STPG4: variants seen among roughly 807,000 people sequenced by gnomAD.
STPG4 encodes protein STPG4.
Under a neutral mutation model 31.5 loss-of-function variants are expected in STPG4, and 41 were observed. That is an observed-to-expected ratio of 1.30 (90% CI 1.01 to 1.69). The LOEUF is 1.69. Ranked by LOEUF, STPG4 falls within the 40% of genes most tolerant of loss-of-function variation. The pLI is 0.00. For synonymous variants in STPG4, 141 were observed against 103.0 expected, an observed-to-expected ratio of 1.37 and a Z score of -2.24; for missense variants, 375 against 293.4, an observed-to-expected ratio of 1.28 and a Z score of -2.03.
At chr2:47,127,333 A>G (rs182824880) in intron 5 of STPG4, among the ~76,000 whole-genome samples, 120 of 135,650 alleles carry the variant, frequency 8.8e-4, no homozygotes, top group African/African-American at 3.4e-3. Flanking sequence ...CAGCAGCACA[A>G]TCTTGGCTCA....
chr2:47,129,784 G>C, intron 5 of STPG4, 157 bp downstream of exon 5: 1 of 849,232 alleles, frequency 1.2e-6, no homozygotes. Flanking sequence ...TCTTACAGAG[G>C]TGTTTTCTTG....
intron 5 of STPG4, among the ~76,000 whole-genome samples, chr2:47,128,286 G>C (rs1037331822): frequency 1.3e-5 from 2 of 152,142 alleles, no homozygotes; most frequent in Admixed American, 6.5e-5. Context: ...GACTGCACTG[G>C]GTCAGAGCCA....
At chr2:47,132,636 T>C (rs1026068619) in intron 3 of STPG4, among the ~76,000 whole-genome samples, 4 of 152,216 alleles carry the variant, frequency 2.6e-5, no homozygotes, top group Non-Finnish European at 5.9e-5. Flanking sequence ...TTGTGTCTTA[T>C]AGAAGCACAG....
At chr2:47,098,516 A>T (rs1214702781) in intron 5 of STPG4, among the ~76,000 whole-genome samples, 1 of 152,146 alleles carries the variant, frequency 6.6e-6, no homozygotes, top group Non-Finnish European at 1.5e-5. Context: ...TTTTCTTTAA[A>T]ATCGTAAAGC....
chr2:47,144,923 G>A (rs13010866), intron 3 of STPG4, among the ~76,000 whole-genome samples: 64,855 of 151,938 alleles, frequency 0.43, 14,842 homozygotes, highest in East Asian at 0.71. Context: ...GTAGAGATGG[G>A]GTTTCACTGT....
intron 5 of STPG4, among the ~76,000 whole-genome samples, chr2:47,117,032 G>A (rs1430119979): frequency 6.6e-6 from 1 of 152,136 alleles, no homozygotes; most frequent in African/African-American, 2.4e-5. Context: ...TTTTTGCTTA[G>A]GATGTAGGCT....
intron 5 of STPG4, among the ~76,000 whole-genome samples, chr2:47,092,479 G>C (rs1157719071): frequency 6.7e-6 from 1 of 149,648 alleles, no homozygotes; most frequent in Non-Finnish European, 1.5e-5. Context: ...AGTGAGCCAT[G>C]ATCATGTCAC....
At chr2:47,146,452 G>A (rs956004542) in intron 3 of STPG4, among the ~76,000 whole-genome samples, 3 of 151,700 alleles carry the variant, frequency 2.0e-5, no homozygotes, top group African/African-American at 4.8e-5. Context: ...GGAATTGGCC[G>A]CAATGGCTCA....
chr2:47,087,193 T>C, intron 6 of STPG4, 63 bp from the exon 7 acceptor site: 1 of 1,535,240 alleles, frequency 6.5e-7, no homozygotes, highest in Non-Finnish European at 8.8e-7. Flanking sequence ...GAGGCTCCTG[T>C]GCCTAGCCAC....
chr2:47,106,206 G>C (rs1289632807), intron 5 of STPG4, among the ~76,000 whole-genome samples: 2 of 151,902 alleles, frequency 1.3e-5, no homozygotes, highest in Non-Finnish European at 2.9e-5. Flanking sequence ...GTAAATTTCT[G>C]TCTACCCAGC....
chr2:47,108,420 C>G (rs34047921), intron 5 of STPG4: 3,397 of 154,354 alleles, frequency 0.022, 44 homozygotes, highest in African/African-American at 0.033. Flanking sequence ...CCTGAGCCAG[C>G]GAGACCACGA....
Position 47,091,897 on chromosome 2 carries a change from A to G in STPG4, c.520-1523T>C, listed in dbSNP as rs971314774. The stretch of plus-strand genomic sequence containing the variant: ...AAAAGTGAAAACTGGGAAATAAACT[A>G]AATAATGGATGATATGTGCCTGGTT... On this transcript the variant is annotated intron_variant, in intron 5 of 6. Coordinates refer to ENST00000445927, the MANE Select transcript of STPG4 (RefSeq NM_001163561.2). Among the ~76,000 whole-genome samples the G allele has an allele frequency of 4.6e-5, 7 of 151,876 alleles. 1 individual carries two copies. Among genetic ancestry groups the G allele is most frequent in the Admixed American group, 4.6e-4 (7 of 15,256 alleles).
intron 1 of STPG4, 48 bp from the exon 2 acceptor site, chr2:47,153,064 T>C (rs815809): frequency 0.75 from 1,037,991 of 1,375,026 alleles, 399,840 homozygotes; most frequent in East Asian, 0.9. Context: ...GGTGATCCCT[T>C]GAAATTAAAT....
At chr2:47,134,259 T>C (rs1686549158) in intron 3 of STPG4, among the ~76,000 whole-genome samples, 1 of 152,234 alleles carries the variant, frequency 6.6e-6, no homozygotes, top group Non-Finnish European at 1.5e-5. Flanking sequence ...CTTGGTGTTG[T>C]ACTTTCAAGG....
chr2:47,129,829 A>T (rs1327815006), intron 5 of STPG4, 112 bp downstream of exon 5: 1 of 1,330,406 alleles, frequency 7.5e-7, no homozygotes. Context: ...TGTTCCTGCT[A>T]GGGGGAACGA....
chr2:47,099,692 G>T (rs1685749523), intron 5 of STPG4, among the ~76,000 whole-genome samples: 1 of 152,246 alleles, frequency 6.6e-6, no homozygotes, highest in Non-Finnish European at 1.5e-5. Flanking sequence ...GGCTGGCCAA[G>T]GCCAGAGCCG....
intron 5 of STPG4, among the ~76,000 whole-genome samples, chr2:47,104,226 T>C (rs1394622484): frequency 2.0e-5 from 3 of 151,906 alleles, no homozygotes; most frequent in African/African-American, 7.3e-5. Flanking sequence ...GGTTAAAAGA[T>C]CCCACCACTT....
chr2:47,130,356 A>G, intron 3 of STPG4, 96 bp from the exon 4 acceptor site: 1 of 956,116 alleles, frequency 1.0e-6, no homozygotes, highest in Non-Finnish European at 1.6e-6. Context: ...TGACCATACA[A>G]CATTGGATAA....
At chr2:47,117,524 A>G (rs1457103716) in intron 5 of STPG4, among the ~76,000 whole-genome samples, 2 of 152,214 alleles carry the variant, frequency 1.3e-5, no homozygotes, top group African/African-American at 4.8e-5. Flanking sequence ...GATAATGTTA[A>G]ATTGAGTCAT....
Sources: allele counts gnomAD v4.1 joint callset (sites outside exome capture counted in the v4.1 genomes callset), GRCh38; gene constraint gnomAD v4.1.1; transcripts MANE v1.5; gene names NCBI Gene and HGNC (gene_info 2026-07-23, HGNC 2026-07-21).